Variants in CDIP1 observed in about 807,000 individuals in gnomAD.
CDIP1 encodes the protein cell death inducing p53 target 1, also known as cell death-inducing p53-target protein 1.
In CDIP1, 9 loss-of-function variants were observed where a neutral mutation model predicts 17.7. The observed-to-expected ratio is 0.51, with a 90% CI of 0.31 to 0.89. The LOEUF is 0.89. CDIP1 is among the 40% of genes least tolerant of loss of function. CDIP1 has a pLI of 0.05. For missense variants in CDIP1, 263 were observed against 277.9 expected, an observed-to-expected ratio of 0.95 and a Z score of 0.38; for synonymous variants, 117 against 109.5, an observed-to-expected ratio of 1.07 and a Z score of -0.43.
chr16:4,538,627 C>G (rs1053521595), intron 1 of CDIP1, 75 bp downstream of exon 1: 1 of 152,262 alleles, frequency 6.6e-6, no homozygotes, highest in Non-Finnish European at 1.5e-5. Context: ...CTGAGGAGAG[C>G]TGGCGCCCAG....
At position 4,513,871 on chromosome 16, in the gene CDIP1, A is replaced by C; in HGVS notation, c.86-20T>G. On this transcript the variant is annotated intron_variant, in intron 3 of 5. Coordinates refer to ENST00000567695, the MANE Select transcript of CDIP1 (RefSeq NM_013399.3). This position sits in a 1 kb window ranked among gnomAD's most constrained non-coding sequence, Gnocchi z 4.1. ...AACGGCCTGGACAGAGAGAGGCAGA[A>C]AGAGGAGACTGAGCTGGAGCCTCTG... The C allele has an allele frequency of 6.5e-7, 1 of 1,543,116 alleles. No homozygotes were observed. Among genetic ancestry groups the C allele is most frequent in the Non-Finnish European group, 8.7e-7 (1 of 1,147,318 alleles).
At chr16:4,535,792 G>A (rs1042437412) in intron 1 of CDIP1, among the ~76,000 whole-genome samples, 1 of 152,258 alleles carries the variant, frequency 6.6e-6, no homozygotes, top group African/African-American at 2.4e-5. Context: ...GCATGGGGAG[G>A]TTCTGGCCCA....
intron 1 of CDIP1, among the ~76,000 whole-genome samples, chr16:4,530,648 CA>C (rs71139637): frequency 0.36 from 52,048 of 143,852 alleles, 10,238 homozygotes; most frequent in African/African-American, 0.51. Context: ...GACTCCATCT[CA>C]AAAAAAAAAA....
intron 1 of CDIP1, among the ~76,000 whole-genome samples, chr16:4,516,405 G>A (rs1192378370): frequency 3.9e-5 from 6 of 152,056 alleles, no homozygotes; most frequent in African/African-American, 7.2e-5. Context: ...TGAATGGTAC[G>A]TAAATTATGT....
In CDIP1 at chr16:4,514,464, G is replaced by A. The variant is rs1050217776; in HGVS notation, c.-15+111C>T. 7.0e-5 allele frequency: 22 copies of A among 313,650 alleles called. No homozygotes were observed. Among genetic ancestry groups the A allele is most frequent in the Non-Finnish European group, 1.2e-4 (20 of 172,110 alleles). The allele number at this position is 313,650 out of a possible 1,614,324, so 19.4% of individuals were successfully genotyped here. A position where few individuals can be genotyped will look rare whatever the true frequency, so the allele number is the denominator to read the frequency against. On this transcript the variant is annotated intron_variant, in intron 2 of 5. Transcript: ENST00000567695. This position sits in a 1 kb window ranked among gnomAD's most constrained non-coding sequence, Gnocchi z 5.2. ...CCCCACACGAGAGCAGTTTGGCACC[G>A]AGCTCTCCCCTCCCCAAACGTTTAG...
intron 1 of CDIP1, among the ~76,000 whole-genome samples, chr16:4,534,347 G>A (rs72768363): frequency 0.026 from 3,984 of 152,244 alleles, 89 homozygotes; most frequent in Non-Finnish European, 0.039. Flanking sequence ...AAGTACTTAC[G>A]TTCACAGCCA....
intron 1 of CDIP1, among the ~76,000 whole-genome samples, chr16:4,531,675 A>G (rs1461996980): frequency 6.6e-6 from 1 of 152,228 alleles, no homozygotes; most frequent in Non-Finnish European, 1.5e-5. Context: ...AGCTGCCTGG[A>G]GATGACAGAG....
intron 1 of CDIP1, chr16:4,532,484 C>T (rs1393660480): frequency 1.3e-5 from 2 of 152,472 alleles, no homozygotes; most frequent in African/African-American, 4.8e-5. Flanking sequence ...GCAGGGAACA[C>T]TCCGTGTTGG....
At chr16:4,527,090 CTT>C (rs760461374) in intron 1 of CDIP1, among the ~76,000 whole-genome samples, 118 of 140,324 alleles carry the variant, frequency 8.4e-4, no homozygotes, top group African/African-American at 2.1e-3. Flanking sequence ...GACACTGTTA[CTT>C]TTTTTTTTTT....
intron 1 of CDIP1, among the ~76,000 whole-genome samples, chr16:4,526,234 G>A (rs1013101161): frequency 6.6e-5 from 10 of 152,202 alleles, no homozygotes; most frequent in African/African-American, 2.4e-4. Context: ...GTGAAACTCT[G>A]TTTGTACAAA....
intron 1 of CDIP1, among the ~76,000 whole-genome samples, chr16:4,536,927 G>A (rs1295569201): frequency 6.6e-6 from 1 of 152,110 alleles, no homozygotes; most frequent in Non-Finnish European, 1.5e-5. Context: ...GCAAGACCCT[G>A]GCTCTAAATA....
rs765835250 is a variant in CDIP1, at chr16:4,512,479, C to A, written c.*93G>T. 11 of 906,160 alleles carry A rather than the reference C, an allele frequency of 1.2e-5. No homozygotes were observed. The East Asian group carries it at 1.8e-4, about 15-fold the overall frequency. The allele number at this position is 906,160 out of a possible 1,614,324, so 56.1% of individuals were successfully genotyped here. A position where few individuals can be genotyped will look rare whatever the true frequency, so the allele number is the denominator to read the frequency against. On this transcript the variant is annotated 3_prime_UTR_variant, in exon 6 of 6. Coordinates refer to ENST00000567695, the MANE Select transcript of CDIP1 (RefSeq NM_013399.3). This position sits in a 1 kb window ranked among gnomAD's most constrained non-coding sequence, Gnocchi z 4.6. The stretch of plus-strand genomic sequence containing the variant: ...AGGGGATGGTGGCACGGCTCCCAGC[C>A]CCAAGTGGGAGCGGGAAAGTGACCA...
Position 4,527,249 on chromosome 16 carries a change from G to C in CDIP1, c.-105+11453C>G, listed in dbSNP as rs564582650. ...ACTACAGGCGCCCGCCAACACGCCTGGGTAATTTTTTGTATTTTTAGTAGA... is the reference window on the plus strand; with the variant it reads ...ACTACAGGCGCCCGCCAACACGCCTCGGTAATTTTTTGTATTTTTAGTAGA... On this transcript the variant is annotated intron_variant, in intron 1 of 5. Transcript: ENST00000567695. Among the ~76,000 whole-genome samples, 12 of 152,100 alleles carry C rather than the reference G, an allele frequency of 7.9e-5. No homozygotes were observed. In the South Asian group the frequency reaches 1.9e-3, roughly 24 times the overall value.
chr16:4,522,251 C>T (rs1214220934), intron 1 of CDIP1, among the ~76,000 whole-genome samples: 2 of 152,228 alleles, frequency 1.3e-5, no homozygotes, highest in East Asian at 3.9e-4. Context: ...TCCTGGTGGG[C>T]TGTGGAAATG....
chr16:4,513,971 C>T lies in CDIP1; in HGVS notation c.85+75G>A. On this transcript the variant is annotated intron_variant, in intron 3 of 5. Coordinates refer to ENST00000567695, the MANE Select transcript of CDIP1 (RefSeq NM_013399.3). The surrounding 1 kb of genome is among the most constrained non-coding windows in gnomAD (Gnocchi z 4.1). Reference sequence around the variant, plus strand: ...AGGGGTAACCCTGGAGTGGGCATCACCACTTAGAGAGTCCCAACCATGCCA... The same window carrying T: ...AGGGGTAACCCTGGAGTGGGCATCATCACTTAGAGAGTCCCAACCATGCCA... 7.5e-7 allele frequency: 1 copy of T among 1,341,900 alleles called. No individual in the cohort carries two copies. Among genetic ancestry groups the T allele is most frequent in the Non-Finnish European group, 1.0e-6 (1 of 987,784 alleles). 83.1% of individuals were successfully genotyped at this position (1,341,900 alleles called of 1,614,324 possible). A position where few individuals can be genotyped will look rare whatever the true frequency, so the allele number is the denominator to read the frequency against.
intron 1 of CDIP1, among the ~76,000 whole-genome samples, chr16:4,535,797 G>A (rs916010320): frequency 6.6e-6 from 1 of 152,254 alleles, no homozygotes; most frequent in Admixed American, 6.5e-5. Context: ...GGGAGGTTCT[G>A]GCCCAGGCCC....
chr16:4,520,976 T>G (rs531348453), intron 1 of CDIP1, among the ~76,000 whole-genome samples: 25 of 152,312 alleles, frequency 1.6e-4, no homozygotes, highest in African/African-American at 6.0e-4. Context: ...AAACTCCATT[T>G]GACATACTTC....
At chr16:4,521,015 C>G (rs1432645911) in intron 1 of CDIP1, among the ~76,000 whole-genome samples, 1 of 152,148 alleles carries the variant, frequency 6.6e-6, no homozygotes, top group Non-Finnish European at 1.5e-5. Flanking sequence ...CACAAAGGAT[C>G]TTAAAAAGCT....
chr16:4,535,604 C>T (rs965177070), intron 1 of CDIP1, among the ~76,000 whole-genome samples: 2 of 152,252 alleles, frequency 1.3e-5, no homozygotes, highest in African/African-American at 4.8e-5. Context: ...GTCTGTCACA[C>T]AGCTTCAACA....
Sources: gnomAD v4.1 joint callset for allele counts (sites outside exome capture counted in the v4.1 genomes callset) on GRCh38, gnomAD v4.1.1 for gene constraint, Gnocchi (gnomAD v3.1) non-coding constraint, MANE v1.5 for transcripts, NCBI Gene and HGNC (gene_info 2026-07-23, HGNC 2026-07-21) for gene names.